Variants in KCNH7 observed in about 807,000 individuals in gnomAD.
KCNH7 encodes the protein voltage-gated inwardly rectifying potassium channel KCNH7.
Under a neutral mutation model 120.8 loss-of-function variants are expected in KCNH7, and 49 were observed. The observed-to-expected ratio is 0.41, with a 90% confidence interval of 0.32 to 0.51. The LOEUF (loss-of-function observed/expected upper bound fraction) is 0.51, where lower values mean the gene tolerates loss of function less well. Among genes scored for constraint, KCNH7 ranks in the 20% least tolerant of loss-of-function variants. KCNH7 has a pLI of 0.38. For synonymous variants in KCNH7, 547 were observed against 516.1 expected (o/e 1.06, Z -0.81); for missense variants, 1,097 against 1,446.6 (o/e 0.76, Z 3.92).
chr2:162,515,769 T>C (rs1232104962), intron 4 of KCNH7, among the ~76,000 whole-genome samples: 1 of 151,760 alleles, frequency 6.6e-6, no homozygotes, highest in East Asian at 2.0e-4. Flanking sequence ...AATTTGGGAA[T>C]TGGCCTTGTA....
At chr2:162,661,561 C>T (rs1684958996) in intron 2 of KCNH7, among the ~76,000 whole-genome samples, 1 of 152,078 alleles carries the variant, frequency 6.6e-6, no homozygotes, top group Non-Finnish European at 1.5e-5. Context: ...AAACCCTAAA[C>T]GTTTCCCTAT....
Position 162,824,687 on chromosome 2 carries a change from C to T in KCNH7, c.307+11850G>A, listed in dbSNP as rs1685224731. 1.3e-5 allele frequency among the ~76,000 whole-genome samples: 2 copies of T among 152,146 alleles called. 1 individual carries two copies. The highest frequency in any genetic ancestry group is 4.8e-5 in the African/African-American group (2 of 41,528). ...TTATAATTCTGTTGCTTATATCTTT[C>T]CTCACGTATCATATGTAATTTTGAG... On this transcript the variant is annotated intron_variant, in intron 2 of 15. Coordinates refer to ENST00000332142, the MANE Select transcript of KCNH7 (RefSeq NM_033272.4).
chr2:162,609,033 AAC>A (rs1448287262), intron 2 of KCNH7, among the ~76,000 whole-genome samples: 1 of 152,108 alleles, frequency 6.6e-6, no homozygotes, highest in Non-Finnish European at 1.5e-5. Flanking sequence ...AAACAAGTAC[AAC>A]ACACAGACAC....
chr2:162,651,757 T>C (rs56302312), intron 2 of KCNH7, among the ~76,000 whole-genome samples: 20,054 of 152,102 alleles, frequency 0.13, 1,505 homozygotes, highest in East Asian at 0.33. Flanking sequence ...GTTCTGCTTT[T>C]ATCTCTTTGA....
intron 2 of KCNH7, among the ~76,000 whole-genome samples, chr2:162,564,558 T>G (rs1208131670): frequency 3.9e-5 from 6 of 152,166 alleles, no homozygotes; most frequent in Non-Finnish European, 1.5e-5. Context: ...TGGAAAACCT[T>G]GGGAAGACTC....
intron 9 of KCNH7, among the ~76,000 whole-genome samples, chr2:162,401,183 G>A (rs137856860): frequency 6.6e-6 from 1 of 151,864 alleles, no homozygotes; most frequent in South Asian, 2.1e-4. Context: ...TTGTTGAACA[G>A]ATTAAACAAT....
intron 2 of KCNH7, among the ~76,000 whole-genome samples, chr2:162,613,565 T>C (rs1330114667): frequency 1.3e-5 from 2 of 152,026 alleles, no homozygotes; most frequent in East Asian, 3.8e-4. Flanking sequence ...TTTTTGTTTC[T>C]AAAACTCCTT....
intron 2 of KCNH7, among the ~76,000 whole-genome samples, chr2:162,722,547 T>C (rs1687354283): frequency 1.3e-5 from 2 of 152,082 alleles, no homozygotes; most frequent in Non-Finnish European, 2.9e-5. Context: ...ATCTGCCTTT[T>C]TACAGTTTGA....
intron 10 of KCNH7, among the ~76,000 whole-genome samples, chr2:162,397,643 C>T (rs1237403786): frequency 6.6e-6 from 1 of 151,826 alleles, no homozygotes; most frequent in Non-Finnish European, 1.5e-5. Context: ...TAGCCACATA[C>T]TACCTGCTTT....
Position 162,752,903 on chromosome 2 carries a change from A to AAAAAG in KCNH7, c.307+83629_307+83633dup, listed in dbSNP as rs1332067169. ...GCAAAAGAGCAAGACTACATCTCAG[A>AAAAAG]AAAAGAAAAGAAAAGAAAAGAAAAG... On this transcript the variant is annotated intron_variant, in intron 2 of 15. Transcript: ENST00000332142. Among the ~76,000 whole-genome samples, 29 of 32,072 alleles carry AAAAAG rather than the reference A, an allele frequency of 9.0e-4. 7 individuals carry two copies. Among genetic ancestry groups the AAAAAG allele is most frequent in the African/African-American group, 1.4e-3 (28 of 20,104 alleles). The allele number at this position is 32,072 out of a possible 152,430, so 21.0% of individuals were successfully genotyped here.
At chr2:162,748,927 T>TTCCTTCCTTCCTTCC in intron 2 of KCNH7, among the ~76,000 whole-genome samples, 2 of 27,862 alleles carry the variant, frequency 7.2e-5, no homozygotes, top group East Asian at 5.0e-3. Context: ...TTCCCTTTCC[T>TTCCTTCCTTCCTTCC]TTCCTTCCTT....
At chr2:162,662,225 T>C (rs1435668624) in intron 2 of KCNH7, among the ~76,000 whole-genome samples, 1 of 152,106 alleles carries the variant, frequency 6.6e-6, no homozygotes, top group Non-Finnish European at 1.5e-5. Context: ...ATCGCGTCAC[T>C]GTACTCCAGC....
intron 5 of KCNH7, among the ~76,000 whole-genome samples, chr2:162,505,468 T>C (rs1418538477): frequency 6.6e-6 from 1 of 151,904 alleles, no homozygotes; most frequent in Non-Finnish European, 1.5e-5. Context: ...TGATAGTACC[T>C]AGTCGCTTCT....
chr2:162,726,576 C>T (rs751756562), intron 2 of KCNH7, among the ~76,000 whole-genome samples: 32 of 152,032 alleles, frequency 2.1e-4, no homozygotes, highest in Admixed American at 3.3e-4. Context: ...CCTGCCACCA[C>T]GCCCAGCTAA....
chr2:162,819,025 T>G (rs1459645349), intron 2 of KCNH7, among the ~76,000 whole-genome samples: 3 of 152,132 alleles, frequency 2.0e-5, no homozygotes, highest in Non-Finnish European at 4.4e-5. Context: ...ACAATGAACC[T>G]GTACCCTTAA....
intron 3 of KCNH7, among the ~76,000 whole-genome samples, chr2:162,522,959 T>C (rs947702623): frequency 1.3e-5 from 2 of 151,878 alleles, no homozygotes; most frequent in Non-Finnish European, 2.9e-5. Flanking sequence ...TCCTGGCATA[T>C]GTAACTAACA....
chr2:162,781,098 A>G (rs1683465688), intron 2 of KCNH7, among the ~76,000 whole-genome samples: 1 of 152,036 alleles, frequency 6.6e-6, no homozygotes, highest in Non-Finnish European at 1.5e-5. Context: ...TATATTTCTG[A>G]GGAAACTGAG....
In KCNH7 at chr2:162,401,958, C is replaced by T. The variant is rs142314808; in HGVS notation, c.2155-1517G>A. ...AGTGTGCCAATTGTTAGACACAGCT[C>T]ATCCAGCTCGGTGCTGCTACAGGAA... On this transcript the variant is annotated intron_variant, in intron 9 of 15. Coordinates refer to ENST00000332142, the MANE Select transcript of KCNH7 (RefSeq NM_033272.4). 2.0e-5 allele frequency among the ~76,000 whole-genome samples: 3 copies of T among 151,966 alleles called. No homozygotes were observed. In the East Asian group the frequency reaches 5.9e-4, roughly 30 times the overall value.
At chr2:162,430,823 A>C (rs1210455559) in intron 8 of KCNH7, among the ~76,000 whole-genome samples, 1 of 151,786 alleles carries the variant, frequency 6.6e-6, no homozygotes, top group Non-Finnish European at 1.5e-5. Context: ...AATGGAATAC[A>C]TTTGCCTTTA....
Sources: allele counts gnomAD v4.1 joint callset (sites outside exome capture counted in the v4.1 genomes callset), GRCh38; gene constraint gnomAD v4.1.1; transcripts MANE v1.5; gene names NCBI Gene and HGNC (gene_info 2026-07-23, HGNC 2026-07-21).